Variants in LINGO2 observed in about 807,000 individuals in gnomAD.
The protein encoded by LINGO2 is leucine rich repeat and Ig domain containing 2.
Under a neutral mutation model 30.6 loss-of-function variants are expected in LINGO2, and 14 were observed. The ratio of observed to expected loss-of-function variants is 0.46; its 90% CI spans 0.30 to 0.72. The LOEUF (loss-of-function observed/expected upper bound fraction) is 0.72. Among genes scored for constraint, LINGO2 ranks in the 30% least tolerant of loss-of-function variants. LINGO2 has a pLI of 0.07. For missense variants in LINGO2, 729 were observed against 751.7 expected (o/e 0.97, Z 0.35); for synonymous variants, 317 against 288.5 (o/e 1.10, Z -1.00).
intron 4 of LINGO2, among the ~76,000 whole-genome samples, chr9:28,023,088 G>A (rs367798217): frequency 9.3e-4 from 141 of 151,972 alleles, no homozygotes; most frequent in African/African-American, 3.2e-3. Context: ...TTTTCAATTA[G>A]AGCCTTTAAC....
chr9:28,995,785 C>A, the LINGO2 span, among the ~76,000 whole-genome samples: 1 of 151,958 alleles, frequency 6.6e-6, no homozygotes, highest in Non-Finnish European at 1.5e-5. Context: ...AAACCAAACA[C>A]CGCATGTTCT....
chr9:28,489,261 C>T (rs894781050), intron 1 of LINGO2, among the ~76,000 whole-genome samples: 3 of 152,090 alleles, frequency 2.0e-5, no homozygotes, highest in African/African-American at 7.2e-5. Context: ...CCTCCATCTC[C>T]GGGTTTCAAG....
At chr9:28,834,692 C>T in the LINGO2 span, among the ~76,000 whole-genome samples, 1 of 152,144 alleles carries the variant, frequency 6.6e-6, no homozygotes, top group Non-Finnish European at 1.5e-5. Context: ...CTACTCTGTA[C>T]ACTAACTGGT....
intron 4 of LINGO2, among the ~76,000 whole-genome samples, chr9:28,238,710 G>A (rs113573344): frequency 0.27 from 41,721 of 151,752 alleles, 5,942 homozygotes; most frequent in South Asian, 0.37. Flanking sequence ...CTTCAAGTAG[G>A]TAACTTAATG....
At chr9:29,042,415 A>G in the LINGO2 span, among the ~76,000 whole-genome samples, 1 of 152,018 alleles carries the variant, frequency 6.6e-6, no homozygotes, top group Non-Finnish European at 1.5e-5. Flanking sequence ...AGCTTTATTA[A>G]TAATATCCCA....
chr9:28,374,004 G>A (rs1426496691), intron 2 of LINGO2, among the ~76,000 whole-genome samples: 1 of 151,650 alleles, frequency 6.6e-6, no homozygotes, highest in Admixed American at 6.6e-5. Flanking sequence ...GTATGACACA[G>A]ATGCATGTTA....
the LINGO2 span, among the ~76,000 whole-genome samples, chr9:28,784,934 G>A: frequency 0.047 from 6,903 of 147,782 alleles, 283 homozygotes; most frequent in South Asian, 0.18. Context: ...GCGACAGAGC[G>A]AGACTCTGTC....
intron 4 of LINGO2, among the ~76,000 whole-genome samples, chr9:28,086,361 C>T (rs1359538994): frequency 1.3e-5 from 2 of 152,072 alleles, no homozygotes; most frequent in Admixed American, 1.3e-4. Context: ...TCATTGTTCT[C>T]CATTCAAAGC....
chr9:28,010,089 C>G (rs1310880095), intron 5 of LINGO2, among the ~76,000 whole-genome samples: 2 of 151,832 alleles, frequency 1.3e-5, no homozygotes, highest in Admixed American at 6.6e-5. Context: ...CGGGATGAAT[C>G]TTGATATCAT....
chr9:28,573,148 T>C (rs961743181), intron 1 of LINGO2, among the ~76,000 whole-genome samples: 6 of 152,156 alleles, frequency 3.9e-5, no homozygotes, highest in Admixed American at 6.6e-5. Flanking sequence ...GGACACACAG[T>C]AAAAGCTGAA....
At chr9:28,255,630 G>T (rs1822356990) in intron 4 of LINGO2, among the ~76,000 whole-genome samples, 1 of 152,024 alleles carries the variant, frequency 6.6e-6, no homozygotes, top group Non-Finnish European at 1.5e-5. Flanking sequence ...CACACATCAG[G>T]TCTCCCATAA....
chr9:28,330,717 G>A (rs1482113481), intron 3 of LINGO2, among the ~76,000 whole-genome samples: 2 of 152,124 alleles, frequency 1.3e-5, no homozygotes, highest in Non-Finnish European at 2.9e-5. Flanking sequence ...CTAAAGCTGA[G>A]CCCCAACTTC....
At chr9:28,848,300 C>CTATATATACGCATATATAGTG in the LINGO2 span, among the ~76,000 whole-genome samples, 2 of 94,150 alleles carry the variant, frequency 2.1e-5, no homozygotes, top group East Asian at 2.8e-4. Flanking sequence ...TATATATATA[C>CTATATATACGCATATATAGTG]TATATATACG....
chr9:27,983,894 A>C (rs1245452437), intron 5 of LINGO2, among the ~76,000 whole-genome samples: 1 of 151,872 alleles, frequency 6.6e-6, no homozygotes, highest in Non-Finnish European at 1.5e-5. Context: ...ATTTCTGGCA[A>C]GGTCTACATC....
chr9:28,166,086 G>A (rs541111894), intron 4 of LINGO2, among the ~76,000 whole-genome samples: 12 of 152,260 alleles, frequency 7.9e-5, no homozygotes, highest in Middle Eastern at 6.8e-3. Context: ...ATTAATGCAT[G>A]TATTTACTCA....
intron 4 of LINGO2, among the ~76,000 whole-genome samples, chr9:28,244,772 T>A (rs538117392): frequency 1.4e-5 from 2 of 148,040 alleles, no homozygotes; most frequent in African/African-American, 5.0e-5. Context: ...AATCCTTGCA[T>A]AGACCAATAA....
chr9:28,422,332 C>G (rs1823228221), intron 2 of LINGO2, among the ~76,000 whole-genome samples: 1 of 151,810 alleles, frequency 6.6e-6, no homozygotes, highest in Non-Finnish European at 1.5e-5. Context: ...AACAAAACAA[C>G]CTGATTTTTT....
the LINGO2 span, among the ~76,000 whole-genome samples, chr9:29,118,851 G>A: frequency 1.3e-5 from 2 of 152,222 alleles, no homozygotes; most frequent in African/African-American, 4.8e-5. Flanking sequence ...AATCAGTCCT[G>A]CCTGCCCAAG....
the LINGO2 span, among the ~76,000 whole-genome samples, chr9:29,162,164 C>A: frequency 6.6e-6 from 1 of 152,162 alleles, no homozygotes; most frequent in Non-Finnish European, 1.5e-5. Flanking sequence ...AAGTGATCCA[C>A]CTGCTTCGGC....
Sources: gnomAD v4.1 joint callset for allele counts (sites outside exome capture counted in the v4.1 genomes callset) on GRCh38, gnomAD v4.1.1 for gene constraint, MANE v1.5 for transcripts, NCBI Gene and HGNC (gene_info 2026-07-23, HGNC 2026-07-21) for gene names.